RARS2: variants seen among roughly 807,000 people sequenced by gnomAD.
RARS2 encodes the protein arginyl-tRNA synthetase 2, mitochondrial, also known as probable arginine--tRNA ligase, mitochondrial.
RARS2 carries 67 observed loss-of-function variants against 88.5 expected under a neutral mutation model. The ratio of observed to expected loss-of-function variants is 0.76; its 90% CI spans 0.62 to 0.93. The LOEUF is 0.93. RARS2 is among the 40% of genes least tolerant of loss of function. RARS2 has a pLI of 0.00. For missense variants in RARS2, 664 were observed against 684.2 expected, an observed-to-expected ratio of 0.97 and a Z score of 0.33; for synonymous variants, 239 against 230.3, an observed-to-expected ratio of 1.04 and a Z score of -0.34.
chr6:87,585,756 A>T (rs1394083333), intron 1 of RARS2, among the ~76,000 whole-genome samples: 6 of 150,354 alleles, frequency 4.0e-5, no homozygotes. Flanking sequence ...AATAAATAAA[A>T]ATAAAAATAA....
At chr6:87,585,242 T>C (rs189313296) in intron 1 of RARS2, among the ~76,000 whole-genome samples, 15 of 152,350 alleles carry the variant, frequency 9.8e-5, no homozygotes, top group African/African-American at 3.4e-4. Context: ...TAAACACTTA[T>C]GTTTCGGGCA....
intron 1 of RARS2, among the ~76,000 whole-genome samples, chr6:87,588,144 A>C (rs370744925): frequency 6.6e-6 from 1 of 152,190 alleles, no homozygotes; most frequent in Non-Finnish European, 1.5e-5. Flanking sequence ...TCATGGCACT[A>C]TCTTTACTTA....
In RARS2 at chr6:87,530,917, G is replaced by A; in HGVS notation, c.638C>T (p.Ala213Val). The change falls in exon 9 of 20, where the codon GCA (alanine) becomes GTA (valine). Residue 213 changes from alanine to valine, a missense_variant. Ala to Val is a moderately conservative substitution (Grantham distance 64). Coordinates refer to ENST00000369536, the MANE Select transcript of RARS2 (RefSeq NM_020320.5). The part of the protein sequence containing the change: ...FEVYVQVNKE[A>V]ADDKSVAKAA... ...TTTTGCTACACTTTTATCATCTGCT[G>A]CTTCTTTATTAACTTGTACATAAAC... The A allele has an allele frequency of 6.2e-7, 1 of 1,614,100 alleles. No homozygotes were observed.
intron 8 of RARS2, among the ~76,000 whole-genome samples, chr6:87,540,810 T>C (rs1399301330): frequency 6.6e-6 from 1 of 152,080 alleles, no homozygotes; most frequent in African/African-American, 2.4e-5. Context: ...AAGCAAAGTA[T>C]CCAAGGGACT....
At chr6:87,535,751 A>G (rs1778954915) in intron 8 of RARS2, among the ~76,000 whole-genome samples, 2 of 144,556 alleles carry the variant, frequency 1.4e-5, no homozygotes, top group Non-Finnish European at 3.0e-5. Context: ...ATCTCAGCTC[A>G]CTGCAACCTC....
intron 16 of RARS2, 176 bp from the exon 17 acceptor site, chr6:87,518,440 CA>C (rs1772545022): frequency 1.4e-6 from 2 of 1,406,138 alleles, no homozygotes; most frequent in African/African-American, 2.9e-5. Flanking sequence ...TAAGATAATA[CA>C]CATAAATGTA....
chr6:87,537,338 T>TG (rs141382141), intron 8 of RARS2, among the ~76,000 whole-genome samples: 1 of 152,100 alleles, frequency 6.6e-6, no homozygotes, highest in Non-Finnish European at 1.5e-5. Context: ...CATTCTATAG[T>TG]GGGGGTGTGG....
At chr6:87,584,848 G>C (rs1774663486) in intron 1 of RARS2, 4 of 324,298 alleles carry the variant, frequency 1.2e-5, no homozygotes, top group South Asian at 9.8e-5. Context: ...CCATAGAGAA[G>C]GGGTAACCAT....
intron 10 of RARS2, among the ~76,000 whole-genome samples, chr6:87,526,981 AT>A (rs1326769794): frequency 6.6e-6 from 1 of 151,762 alleles, no homozygotes; most frequent in African/African-American, 2.4e-5. Flanking sequence ...AGGTCAACTG[AT>A]TTTTGACAAA....
chr6:87,538,620 G>C (rs1487088942), intron 8 of RARS2, among the ~76,000 whole-genome samples: 2 of 152,178 alleles, frequency 1.3e-5, no homozygotes, highest in Admixed American at 6.6e-5. Context: ...TATATGGCTA[G>C]GCACAGTGGC....
intron 5 of RARS2, among the ~76,000 whole-genome samples, chr6:87,548,985 G>A (rs1310973934): frequency 6.6e-6 from 1 of 152,100 alleles, no homozygotes; most frequent in African/African-American, 2.4e-5. Context: ...AGACTGAGAT[G>A]GGAAGACTGC....
chr6:87,555,020 C>T lies in RARS2; in HGVS notation c.395+388G>A, dbSNP rs57020029. Among the ~76,000 whole-genome samples, 76 of 151,942 alleles carry T rather than the reference C, an allele frequency of 5.0e-4. 1 individual carries two copies. The highest frequency in any genetic ancestry group is 1.7e-3 in the African/African-American group (70 of 41,462). On this transcript the variant is annotated intron_variant, in intron 5 of 19. Transcript: ENST00000369536. ...TCAGGAGGCTGAGGCAGGAGAATGG[C>T]GTGAACCCAGGAGGTGGAGCTTGCA...
chr6:87,578,991 T>C, intron 1 of RARS2, among the ~76,000 whole-genome samples: 1 of 121,130 alleles, frequency 8.3e-6, no homozygotes, highest in East Asian at 2.8e-4. Flanking sequence ...AAAAGACTAA[T>C]ATTTACTGAT....
Position 87,519,139 on chromosome 6 carries a change from ATT to A in RARS2, c.1238-250_1238-249del, listed in dbSNP as rs72171848. 18,972 of 418,910 alleles carry A rather than the reference ATT, an allele frequency of 0.045. 618 individuals carry two copies. The highest frequency in any genetic ancestry group is 0.12 in the African/African-American group (5,368 of 45,974). 25.9% of individuals were successfully genotyped at this position (418,910 alleles called of 1,614,324 possible). On this transcript the variant is annotated intron_variant, in intron 14 of 19. Coordinates refer to ENST00000369536, the MANE Select transcript of RARS2 (RefSeq NM_020320.5). Reference sequence around the variant, plus strand: ...TAGGAAAAATAAATTTGGATTTCTGATTTTATATATATATATGTATGTGTGTA... The same window carrying A: ...TAGGAAAAATAAATTTGGATTTCTGATTATATATATATATGTATGTGTGTA...
intron 5 of RARS2, among the ~76,000 whole-genome samples, chr6:87,551,218 C>A (rs1371793288): frequency 6.6e-6 from 1 of 152,100 alleles, no homozygotes; most frequent in Non-Finnish European, 1.5e-5. Flanking sequence ...GATACAAATT[C>A]AATTCTTTTG....
chr6:87,518,749 C>CA lies in RARS2; in HGVS notation c.1306-11dup. On this transcript the variant is annotated splice_polypyrimidine_tract_variant and intron_variant, in intron 15 of 19. Coordinates refer to ENST00000369536, the MANE Select transcript of RARS2 (RefSeq NM_020320.5). ...GTAAACCTTTGAAGTCCTAAAACGACAGAGGAAATCTTCACTGCTGGGATT... is the reference window on the plus strand; with the variant it reads ...GTAAACCTTTGAAGTCCTAAAACGACAAGAGGAAATCTTCACTGCTGGGATT... 6.2e-7 allele frequency: 1 copy of CA among 1,613,208 alleles called. No homozygotes were observed. The highest frequency in any genetic ancestry group is 8.5e-7 in the Non-Finnish European group (1 of 1,179,148).
At chr6:87,539,058 G>GAATAAATAAATAAATA (rs71018032) in intron 8 of RARS2, among the ~76,000 whole-genome samples, 54 of 150,558 alleles carry the variant, frequency 3.6e-4, no homozygotes, top group Non-Finnish European at 6.7e-4. Context: ...ATAAATAAAT[G>GAATAAATAAATAAATA]AATAAATAAA....
chr6:87,529,462 G>A, intron 10 of RARS2, 80 bp downstream of exon 10: 2 of 928,596 alleles, frequency 2.2e-6, no homozygotes, highest in East Asian at 4.8e-5. Flanking sequence ...ATTGCATTCT[G>A]TTGTCCTTAC....
At chr6:87,563,435 C>T (rs913035373) in intron 3 of RARS2, among the ~76,000 whole-genome samples, 1 of 152,190 alleles carries the variant, frequency 6.6e-6, no homozygotes, top group Non-Finnish European at 1.5e-5. Flanking sequence ...TAAATATTTA[C>T]TAAGCTACCA....
Sources: gnomAD v4.1 joint callset for allele counts (sites outside exome capture counted in the v4.1 genomes callset) on GRCh38, gnomAD v4.1.1 for gene constraint, MANE v1.5 for transcripts, NCBI Gene and HGNC (gene_info 2026-07-23, HGNC 2026-07-21) for gene names.